Variants in CABP1 observed in about 807,000 individuals in gnomAD.
CABP1 encodes calcium binding protein 1.
A neutral mutation model predicts 34.3 loss-of-function variants in CABP1; 17 were observed. That is an observed-to-expected ratio of 0.50 (90% confidence interval 0.34 to 0.74). The LOEUF (loss-of-function observed/expected upper bound fraction) is 0.74. CABP1 is among the 30% of genes least tolerant of loss of function. The probability of loss-of-function intolerance (pLI) is 0.01; values close to 1 mark genes in which losing one functional copy is unlikely to be tolerated. For synonymous variants in CABP1, 198 were observed against 229.2 expected (o/e 0.86, Z 1.23); for missense variants, 373 against 511.1 (o/e 0.73, Z 2.61).
the CABP1 span, among the ~76,000 whole-genome samples, chr12:120,680,784 T>C: frequency 6.6e-6 from 1 of 152,066 alleles, no homozygotes; most frequent in African/African-American, 2.4e-5. Flanking sequence ...CTAGCCTGAC[T>C]CTGGCCTTTT....
chr12:120,662,120 C>T (rs1404794055), intron 5 of CABP1: 1 of 152,296 alleles, frequency 6.6e-6, no homozygotes, highest in African/African-American at 2.4e-5. Context: ...CTGCACCCAT[C>T]CTTCTCTATC....
At chr12:120,663,138 T>C (rs1284123618) in intron 5 of CABP1, among the ~76,000 whole-genome samples, 1 of 152,228 alleles carries the variant, frequency 6.6e-6, no homozygotes, top group African/African-American at 2.4e-5. Flanking sequence ...TCACCTGTTC[T>C]TCACACTGTC....
chr12:120,665,413 G>C (rs1177371289), intron 5 of CABP1, among the ~76,000 whole-genome samples: 3 of 151,990 alleles, frequency 2.0e-5, no homozygotes, highest in African/African-American at 7.3e-5. Context: ...GTGACAAAGT[G>C]AGACCCTGTC....
At chr12:120,655,888 C>T in intron 1 of CABP1, 2 of 1,536,254 alleles carry the variant, frequency 1.3e-6, no homozygotes, top group Non-Finnish European at 1.7e-6. Flanking sequence ...ATTCAGCTCT[C>T]CCCGGAACCA....
chr12:120,661,683 A>C lies in CABP1; in HGVS notation c.1087+465A>C. ...CATTCGTCTACATATCTATCCATCC[A>C]TCCATCCATCCATCCACCTATCCAT... On this transcript the variant is annotated intron_variant, in intron 5 of 5. Transcript: ENST00000316803. This position sits in a 1 kb window ranked among gnomAD's most constrained non-coding sequence, Gnocchi z 5.1. The C allele has an allele frequency of 6.3e-6, 1 of 157,520 alleles. No homozygotes were observed. Among genetic ancestry groups the C allele is most frequent in the Non-Finnish European group, 1.4e-5 (1 of 71,164 alleles). The allele number at this position is 157,520 out of a possible 1,614,324, so 9.8% of individuals were successfully genotyped here.
In CABP1 at chr12:120,640,985, G is replaced by A; in HGVS notation, c.300G>A (p.Arg100=). Residue 100 remains arginine, a synonymous_variant, in exon 1 of 6, where the codon CGG becomes CGA. Coordinates refer to ENST00000316803, the MANE Select transcript of CABP1 (RefSeq NM_001033677.2). The surrounding 1 kb of genome is among the most constrained non-coding windows in gnomAD (Gnocchi z 6.2). ...GGGACCCGGGGCTGCCTAGCCGCCG[G>A]CTACCCGGCTCCTGCCCGGCGACGC... The part of the protein sequence containing the change: ...PARDPGLPSR[R]LPGSCPATPQ... 2 of 1,155,458 alleles carry A rather than the reference G, an allele frequency of 1.7e-6. No individual in the cohort carries two copies. The highest frequency in any genetic ancestry group is 2.1e-6 in the Non-Finnish European group (2 of 939,222). The allele number at this position is 1,155,458 out of a possible 1,614,324, so 71.6% of individuals were successfully genotyped here.
At chr12:120,677,489 T>G in the CABP1 span, among the ~76,000 whole-genome samples, 29 of 147,608 alleles carry the variant, frequency 2.0e-4, no homozygotes, top group East Asian at 5.2e-3. Context: ...CTCTGCCTCC[T>G]GGGCTCAAGT....
chr12:120,677,592 G>T, the CABP1 span, among the ~76,000 whole-genome samples: 4 of 151,272 alleles, frequency 2.6e-5, no homozygotes, highest in South Asian at 2.1e-4. Context: ...AGATGGGAGT[G>T]GGGGGTGTCT....
At chr12:120,665,106 G>A (rs1306270069) in intron 5 of CABP1, among the ~76,000 whole-genome samples, 2 of 152,006 alleles carry the variant, frequency 1.3e-5, no homozygotes, top group African/African-American at 2.4e-5. Context: ...GCAGAGAAGA[G>A]AAGATTTTTA....
intron 5 of CABP1, among the ~76,000 whole-genome samples, chr12:120,664,891 A>AG (rs1555236846): frequency 7.9e-5 from 12 of 151,328 alleles, no homozygotes; most frequent in East Asian, 1.9e-4. Context: ...AAAAAAAAAA[A>AG]AGAGAGAGAG....
downstream of CABP1, among the ~76,000 whole-genome samples, chr12:120,671,013 C>T (rs750488848): frequency 2.3e-4 from 35 of 152,232 alleles, no homozygotes; most frequent in Non-Finnish European, 4.4e-4. Context: ...CTAGGTTAGC[C>T]TAGAGCCCTG....
the CABP1 span, among the ~76,000 whole-genome samples, chr12:120,676,690 G>T: frequency 2.3e-4 from 35 of 152,164 alleles, no homozygotes; most frequent in African/African-American, 6.5e-4. Flanking sequence ...GCCTCCCAAA[G>T]TGTTGGGATT....
the CABP1 span, among the ~76,000 whole-genome samples, chr12:120,679,767 C>T: frequency 2.6e-5 from 4 of 151,880 alleles, no homozygotes; most frequent in South Asian, 2.1e-4. Context: ...GTGGAGGTTG[C>T]GGTGAGTTGA....
At chr12:120,669,585 C>T (rs929960274), downstream of CABP1, among the ~76,000 whole-genome samples, 7 of 152,160 alleles carry the variant, frequency 4.6e-5, no homozygotes, top group Admixed American at 3.9e-4. Flanking sequence ...GAAACCCCGT[C>T]TGTACTAAAA....
intron 1 of CABP1, chr12:120,655,823 G>T: frequency 2.8e-6 from 4 of 1,442,380 alleles, no homozygotes; most frequent in South Asian, 2.5e-5. Context: ...GTGCCAGTGC[G>T]TGCGTGCGTG....
chr12:120,650,726 G>T lies in CABP1; in HGVS notation c.655-9152G>T. ...CAAGATCTGGGGCTGGGGATTGGGGGTATCTCACCATCTGTCTCAGAGGTT... is the reference window on the plus strand; with the variant it reads ...CAAGATCTGGGGCTGGGGATTGGGGTTATCTCACCATCTGTCTCAGAGGTT... On this transcript the variant is annotated intron_variant, in intron 1 of 5. Coordinates refer to ENST00000316803, the MANE Select transcript of CABP1 (RefSeq NM_001033677.2). 1.9e-6 allele frequency: 3 copies of T among 1,586,400 alleles called. No homozygotes were observed. In the South Asian group the frequency reaches 3.3e-5, roughly 18 times the overall value.
chr12:120,677,760 C>T, the CABP1 span, among the ~76,000 whole-genome samples: 2 of 152,314 alleles, frequency 1.3e-5, no homozygotes, highest in East Asian at 3.9e-4. Flanking sequence ...AAGTTATCAC[C>T]ATCTCATTCA....
intron 1 of CABP1, chr12:120,650,566 G>A (rs73222784): frequency 0.047 from 76,524 of 1,611,192 alleles, 2,316 homozygotes; most frequent in South Asian, 0.11. Flanking sequence ...AGACTGGGAC[G>A]GAAGTCCCTC....
chr12:120,679,908 A>T, the CABP1 span, among the ~76,000 whole-genome samples: 1 of 152,268 alleles, frequency 6.6e-6, no homozygotes, highest in South Asian at 2.1e-4. Flanking sequence ...ATGGTAGCTC[A>T]TGCCTGAAAT....
Sources: allele counts gnomAD v4.1 joint callset (sites outside exome capture counted in the v4.1 genomes callset), GRCh38; gene constraint gnomAD v4.1.1; non-coding constraint Gnocchi (gnomAD v3.1); transcripts MANE v1.5; gene names NCBI Gene and HGNC (gene_info 2026-07-23, HGNC 2026-07-21).